Variants in CTNS observed in about 807,000 individuals in gnomAD.
CTNS encodes cystinosin.
In CTNS, 27 loss-of-function variants were observed where a neutral mutation model predicts 43.7. The observed-to-expected ratio is 0.62, with a 90% CI of 0.46 to 0.85. The LOEUF is 0.85. Among genes scored for constraint, CTNS ranks in the 40% least tolerant of loss-of-function variants. The pLI, the probability that CTNS is intolerant of heterozygous loss-of-function variation, is 0.00. For synonymous variants in CTNS, 187 were observed against 190.6 expected, an observed-to-expected ratio of 0.98 and a Z score of 0.16; for missense variants, 457 against 475.4, an observed-to-expected ratio of 0.96 and a Z score of 0.36.
In CTNS at chr17:3,655,477, A is replaced by G. The variant is rs1409028179; in HGVS notation, c.461+125A>G. The G allele has an allele frequency of 4.1e-6, 6 of 1,459,366 alleles. No homozygotes were observed. In the East Asian group the frequency reaches 1.4e-4, roughly 33 times the overall value. 90.4% of individuals were successfully genotyped at this position (1,459,366 alleles called of 1,614,324 possible). On this transcript the variant is annotated intron_variant, in intron 7 of 11. Coordinates refer to ENST00000046640, the MANE Select transcript of CTNS (RefSeq NM_004937.3). ...CCTTCTGTCTGCCTACCCTTTCCAG[A>G]AAGTTGTCCCAGTGCGAAGGCTCGG...
At position 3,661,788 on chromosome 17, in the gene CTNS, C is replaced by A. The variant is rs2076281826; in HGVS notation, c.*1419C>A. 6.6e-6 allele frequency among the ~76,000 whole-genome samples: 1 copy of A among 152,178 alleles called. No homozygotes were observed. Among genetic ancestry groups the A allele is most frequent in the Non-Finnish European group, 1.5e-5 (1 of 68,020 alleles). Reference sequence around the variant, plus strand: ...GCACGCCACTCAATCTGGATGTGAGCCGGGGTGGATGAGGTTCTGAAGGGC... The same window carrying A: ...GCACGCCACTCAATCTGGATGTGAGACGGGGTGGATGAGGTTCTGAAGGGC... On this transcript the variant is annotated 3_prime_UTR_variant, in exon 12 of 12. Transcript: ENST00000046640.
intron 4 of CTNS, 115 bp downstream of exon 4, chr17:3,647,637 C>A: frequency 2.2e-6 from 2 of 925,380 alleles, no homozygotes; most frequent in Non-Finnish European, 3.4e-6. Flanking sequence ...TGCCTCTTAC[C>A]TGTAAGACAA....
At position 3,659,927 on chromosome 17, in the gene CTNS, G is replaced by A. The variant is rs746307931; in HGVS notation, c.922G>A (p.Gly308Arg). 48 of 1,613,628 alleles carry A rather than the reference G, an allele frequency of 3.0e-5. No individual in the cohort carries two copies. Among genetic ancestry groups the A allele is most frequent in the Middle Eastern group, 1.7e-4 (1 of 6,046 alleles). The change falls in exon 11 of 12, where the codon GGG becomes AGG. Residue 308 changes from glycine (G) to arginine (R), a missense_variant. Transcript: ENST00000046640. Reference protein sequence around the residue: ...SIGNVLLDFTGGSFSLLQMFL... With the variant: ...SIGNVLLDFTRGSFSLLQMFL... Reference sequence around the variant, plus strand: ...TGGCAACGTGCTCCTGGACTTCACCGGGGGCAGCTTCAGCCTCCTGCAGAT... The same window carrying A: ...TGGCAACGTGCTCCTGGACTTCACCAGGGGCAGCTTCAGCCTCCTGCAGAT...
In CTNS at chr17:3,662,279, C is replaced by G. The variant is rs2076288344; in HGVS notation, c.*1910C>G. Among the ~76,000 whole-genome samples, 1 of 151,338 alleles carries G rather than the reference C, an allele frequency of 6.6e-6. No individual in the cohort carries two copies. Among genetic ancestry groups the G allele is most frequent in the Non-Finnish European group, 1.5e-5 (1 of 67,884 alleles). ...TGAGCGAAGATCACGCCATTGCACTCCAGCCTGGGCAACAAGAACGAAACT... is the reference window on the plus strand; with the variant it reads ...TGAGCGAAGATCACGCCATTGCACTGCAGCCTGGGCAACAAGAACGAAACT... On this transcript the variant is annotated 3_prime_UTR_variant, in exon 12 of 12. Coordinates refer to ENST00000046640, the MANE Select transcript of CTNS (RefSeq NM_004937.3).
intron 10 of CTNS, among the ~76,000 whole-genome samples, chr17:3,659,577 G>A (rs1021229790): frequency 6.6e-6 from 1 of 152,236 alleles, no homozygotes; most frequent in Non-Finnish European, 1.5e-5. Context: ...TGGAGGAGAC[G>A]GGGAAGGCCG....
intron 5 of CTNS, chr17:3,650,036 A>T (rs2075941579): frequency 1.5e-6 from 2 of 1,357,048 alleles, no homozygotes; most frequent in Admixed American, 5.2e-5. Flanking sequence ...AACAACAACA[A>T]AAAAAAGATA....
chr17:3,644,691 C>T (rs981327392), intron 3 of CTNS, among the ~76,000 whole-genome samples: 1 of 152,162 alleles, frequency 6.6e-6, no homozygotes, highest in African/African-American at 2.4e-5. Flanking sequence ...GTCTCTATCT[C>T]CTGACCTCGT....
rs2076281062 is a variant in CTNS at position 3,661,731 on chromosome 17, C to T, written c.*1362C>T. Among the ~76,000 whole-genome samples, 1 of 152,216 alleles carries T rather than the reference C, an allele frequency of 6.6e-6. No homozygotes were observed. Among genetic ancestry groups the T allele is most frequent in the Non-Finnish European group, 1.5e-5 (1 of 68,046 alleles). ...CCTACCCGCCCAGGGCCAGGTCAGT[C>T]TCCCAGGCTCCGTGTCTTCACGGTT... On this transcript the variant is annotated 3_prime_UTR_variant, in exon 12 of 12. Transcript: ENST00000046640.
rs2142983411 is a variant in CTNS, at chr17:3,660,483, G to A, written c.*114G>A. The stretch of plus-strand genomic sequence containing the variant: ...CTGGCACACAGGGCTGGCTCAGTGT[G>A]CGGACAGAGGAGACCACTCTGCTCC... On this transcript the variant is annotated 3_prime_UTR_variant, in exon 12 of 12. Transcript: ENST00000046640. The A allele has an allele frequency of 3.1e-6, 5 of 1,612,816 alleles. No individual in the cohort carries two copies. The highest frequency in any genetic ancestry group is 1.1e-5 in the South Asian group (1 of 90,836).
Position 3,662,592 on chromosome 17 carries a change from G to C in CTNS, c.*2223G>C, listed in dbSNP as rs2076292890. Among the ~76,000 whole-genome samples, 1 of 152,184 alleles carries C rather than the reference G, an allele frequency of 6.6e-6. No individual in the cohort carries two copies. Among genetic ancestry groups the C allele is most frequent in the Non-Finnish European group, 1.5e-5 (1 of 68,024 alleles). On this transcript the variant is annotated 3_prime_UTR_variant, in exon 12 of 12. Transcript: ENST00000046640. ...CCCTCCCAGGTGGGAGCTGAGGCTA[G>C]GTTGCAAAAAGGAGGTTGGGAGCAA... is the stretch of plus-strand genomic sequence containing the variant.
Position 3,655,309 on chromosome 17 carries a change from A to T in CTNS, c.418A>T (p.Ile140Phe). 6.2e-7 allele frequency: 1 copy of T among 1,614,158 alleles called. No homozygotes were observed. Among genetic ancestry groups the T allele is most frequent in the Middle Eastern group, 1.7e-4 (1 of 6,060 alleles). The stretch of plus-strand genomic sequence containing the variant: ...CTGGATCTACTTTGTGGCCTGGTCC[A>T]TCTCCTTCTACCCTCAGGTGATCAT... ...IGWIYFVAWS[I>F]SFYPQVIMNW... Residue 140 changes from isoleucine (I) to phenylalanine (F), a missense_variant, in exon 7 of 12, where the codon ATC becomes TTC. By Grantham distance (21) the Ile-to-Phe change is conservative. Coordinates refer to ENST00000046640, the MANE Select transcript of CTNS (RefSeq NM_004937.3).
rs1274404929 is a variant in CTNS, at chr17:3,648,951, G to A, written c.225+20G>A. ...GATGAAGTAAGTAACCAATCTTAACGGATGGGTAGGGAAATGCTAGGTAAC... is the reference window on the plus strand; with the variant it reads ...GATGAAGTAAGTAACCAATCTTAACAGATGGGTAGGGAAATGCTAGGTAAC... On this transcript the variant is annotated intron_variant, in intron 5 of 11. Coordinates refer to ENST00000046640, the MANE Select transcript of CTNS (RefSeq NM_004937.3). 6.4e-6 allele frequency: 10 copies of A among 1,561,050 alleles called. No individual in the cohort carries two copies. The highest frequency in any genetic ancestry group is 4.5e-5 in the East Asian group (2 of 44,634).
rs143705375 is a variant in CTNS, at chr17:3,653,748, C to T, written c.226-1250C>T. 2.6e-5 allele frequency among the ~76,000 whole-genome samples: 4 copies of T among 152,198 alleles called. No homozygotes were observed. In the South Asian group the frequency reaches 6.3e-4, roughly 24 times the overall value. Reference sequence around the variant, plus strand: ...AAAATTAGCCAGACGTGGTGGCACACGCCTATAATTCCAGCTACTCGGGAG... The same window carrying T: ...AAAATTAGCCAGACGTGGTGGCACATGCCTATAATTCCAGCTACTCGGGAG... On this transcript the variant is annotated intron_variant, in intron 5 of 11. Coordinates refer to ENST00000046640, the MANE Select transcript of CTNS (RefSeq NM_004937.3).
At chr17:3,654,730 C>T (rs142879599) in intron 5 of CTNS, among the ~76,000 whole-genome samples, 2 of 151,048 alleles carry the variant, frequency 1.3e-5, no homozygotes, top group Non-Finnish European at 2.9e-5. Context: ...CGCGGTGGCT[C>T]ACATCTATAA....
intron 5 of CTNS, chr17:3,650,212 C>G: frequency 6.4e-7 from 1 of 1,550,494 alleles, no homozygotes; most frequent in African/African-American, 1.4e-5. Flanking sequence ...GGGATGAGAT[C>G]AGTAGCCATG....
At chr17:3,644,579 C>T (rs1433209302) in intron 3 of CTNS, among the ~76,000 whole-genome samples, 2 of 152,248 alleles carry the variant, frequency 1.3e-5, no homozygotes, top group Non-Finnish European at 2.9e-5. Flanking sequence ...ATTCTCTTGC[C>T]TCAGCCTCCC....
intron 3 of CTNS, among the ~76,000 whole-genome samples, chr17:3,643,404 G>T (rs914072530): frequency 1.3e-5 from 2 of 152,054 alleles, no homozygotes; most frequent in Admixed American, 6.6e-5. Context: ...TTGGGTAGGT[G>T]CAGAGTGGGA....
chr17:3,637,536 G>A (rs1199157122), intron 2 of CTNS, among the ~76,000 whole-genome samples: 1 of 151,158 alleles, frequency 6.6e-6, no homozygotes, highest in African/African-American at 2.4e-5. Context: ...GCGCGATCTC[G>A]GCTCACTGCA....
chr17:3,660,764 T>C lies in CTNS; in HGVS notation c.*395T>C. 6.2e-7 allele frequency: 1 copy of C among 1,612,912 alleles called. No individual in the cohort carries two copies. Among genetic ancestry groups the C allele is most frequent in the East Asian group, 2.2e-5 (1 of 44,884 alleles). ...GCAGCCGGGTGAGCCAAGGGCACTT[T>C]GCTGCCACCGCTGCATTCCCAGAGA... On this transcript the variant is annotated 3_prime_UTR_variant, in exon 12 of 12. Coordinates refer to ENST00000046640, the MANE Select transcript of CTNS (RefSeq NM_004937.3).
Sources: gnomAD v4.1 joint callset for allele counts (sites outside exome capture counted in the v4.1 genomes callset) on GRCh38, gnomAD v4.1.1 for gene constraint, MANE v1.5 for transcripts, NCBI Gene and HGNC (gene_info 2026-07-23, HGNC 2026-07-21) for gene names.